Variants in FSTL4 observed in about 807,000 individuals in gnomAD.
The protein encoded by FSTL4 is follistatin like 4, also known as follistatin-related protein 4.
In FSTL4, 28 loss-of-function variants were observed where a neutral mutation model predicts 78.2. The observed-to-expected ratio is 0.36, with a 90% confidence interval of 0.27 to 0.49. The LOEUF is 0.49. Among genes scored for constraint, FSTL4 ranks in the 20% least tolerant of loss-of-function variants. The probability of loss-of-function intolerance (pLI) is 0.98; values close to 1 mark genes in which losing one functional copy is unlikely to be tolerated. For missense variants in FSTL4, 922 were observed against 1,084.9 expected, an observed-to-expected ratio of 0.85 and a Z score of 2.11; for synonymous variants, 422 against 440.5, an observed-to-expected ratio of 0.96 and a Z score of 0.53.
chr5:133,523,247 T>G (rs1759022049), intron 3 of FSTL4, among the ~76,000 whole-genome samples: 1 of 152,174 alleles, frequency 6.6e-6, no homozygotes, highest in Non-Finnish European at 1.5e-5. Flanking sequence ...ATCCTCCCAG[T>G]ACCTTGGCTC....
At chr5:133,382,116 C>A (rs559940524) in intron 4 of FSTL4, among the ~76,000 whole-genome samples, 1 of 152,226 alleles carries the variant, frequency 6.6e-6, no homozygotes, top group Non-Finnish European at 1.5e-5. Flanking sequence ...CCAGATACCC[C>A]CTGAAGAGGT....
At chr5:133,280,150 T>C (rs942289088) in intron 6 of FSTL4, among the ~76,000 whole-genome samples, 2 of 152,188 alleles carry the variant, frequency 1.3e-5, no homozygotes, top group Non-Finnish European at 2.9e-5. Flanking sequence ...AGGAAACCCA[T>C]GGAAGGTCCT....
intron 3 of FSTL4, among the ~76,000 whole-genome samples, chr5:133,491,897 CTTAAT>C (rs772042888): frequency 1.5e-4 from 23 of 152,214 alleles, no homozygotes; most frequent in East Asian, 3.9e-4. Flanking sequence ...TTTTTGCCAA[CTTAAT>C]TTGAGTATTT....
chr5:133,704,553 G>A, the FSTL4 span, among the ~76,000 whole-genome samples: 1 of 152,198 alleles, frequency 6.6e-6, no homozygotes, highest in East Asian at 1.9e-4. Flanking sequence ...AAGGCACCGG[G>A]TTGCCATTGT....
At chr5:133,753,142 G>A in the FSTL4 span, among the ~76,000 whole-genome samples, 6 of 152,180 alleles carry the variant, frequency 3.9e-5, no homozygotes, top group South Asian at 2.1e-4. Flanking sequence ...AAAGTTACCT[G>A]TATGCATTAT....
chr5:133,794,154 A>C, the FSTL4 span, among the ~76,000 whole-genome samples: 1 of 152,168 alleles, frequency 6.6e-6, no homozygotes, highest in Non-Finnish European at 1.5e-5. Flanking sequence ...CTGATCTCTG[A>C]CTTGGGCCAG....
In FSTL4 at chr5:133,512,972, C is replaced by A. The variant is rs187220184; in HGVS notation, c.160+54214G>T. Among the ~76,000 whole-genome samples, 385 of 152,250 alleles carry A rather than the reference C, an allele frequency of 2.5e-3. 3 individuals are homozygous for A. Among genetic ancestry groups the A allele is most frequent in the African/African-American group, 8.5e-3 (352 of 41,550 alleles). ...AGCTGGGACTACAGGCATGAGCTAC[C>A]ATGCCTGGCTAATTTTTATATTACT... On this transcript the variant is annotated intron_variant, in intron 3 of 15. Transcript: ENST00000265342.
intron 4 of FSTL4, among the ~76,000 whole-genome samples, chr5:133,366,318 C>T (rs946277187): frequency 1.3e-5 from 2 of 152,190 alleles, no homozygotes; most frequent in African/African-American, 4.8e-5. Flanking sequence ...CGCATTGAAA[C>T]ATCTCCCTCA....
At chr5:133,571,627 A>G (rs1343918161) in intron 2 of FSTL4, among the ~76,000 whole-genome samples, 2 of 152,214 alleles carry the variant, frequency 1.3e-5, no homozygotes, top group Non-Finnish European at 2.9e-5. Context: ...ATGCACCAAA[A>G]TCTCCGAAAT....
chr5:133,802,042 TA>T, the FSTL4 span, among the ~76,000 whole-genome samples: 150,791 of 152,366 alleles, frequency 0.99, 74,639 homozygotes, highest in Middle Eastern at 1. Context: ...AGTCCTGAGC[TA>T]ATCTGAACAC....
At chr5:133,213,085 C>A (rs1346952444) in intron 13 of FSTL4, among the ~76,000 whole-genome samples, 1 of 148,390 alleles carries the variant, frequency 6.7e-6, no homozygotes, top group East Asian at 2.0e-4. Context: ...TCACTGCAAT[C>A]TCTGCCTCCC....
chr5:133,521,948 T>C (rs1331050226), intron 3 of FSTL4, among the ~76,000 whole-genome samples: 1 of 152,108 alleles, frequency 6.6e-6, no homozygotes, highest in East Asian at 1.9e-4. Context: ...TGTGATGCAA[T>C]TGAGAAGAGA....
the FSTL4 span, among the ~76,000 whole-genome samples, chr5:133,686,589 A>C: frequency 6.6e-6 from 1 of 152,230 alleles, no homozygotes; most frequent in Non-Finnish European, 1.5e-5. Context: ...TCTGTGCAGA[A>C]GCTTCCCCTT....
At chr5:133,321,480 G>A (rs879925810) in intron 4 of FSTL4, among the ~76,000 whole-genome samples, 1 of 152,230 alleles carries the variant, frequency 6.6e-6, no homozygotes, top group African/African-American at 2.4e-5. Context: ...CCTGGGGTGT[G>A]TGGCAGAGGC....
chr5:133,581,222 G>A (rs934360818), intron 2 of FSTL4, among the ~76,000 whole-genome samples: 17 of 152,164 alleles, frequency 1.1e-4, no homozygotes, highest in African/African-American at 4.1e-4. Context: ...TTACAACAGA[G>A]TCAAAAGGAA....
At chr5:133,337,083 C>T (rs889183755) in intron 4 of FSTL4, among the ~76,000 whole-genome samples, 8 of 152,220 alleles carry the variant, frequency 5.3e-5, no homozygotes, top group African/African-American at 1.7e-4. Context: ...TCGGGGATGG[C>T]GGGCTGCAGG....
At chr5:133,358,582 G>A (rs1031085127) in intron 4 of FSTL4, among the ~76,000 whole-genome samples, 3 of 149,422 alleles carry the variant, frequency 2.0e-5, no homozygotes, top group African/African-American at 7.5e-5. Flanking sequence ...CCCAGCCAGG[G>A]TTCTATTTCT....
chr5:133,674,151 A>G, the FSTL4 span, among the ~76,000 whole-genome samples: 8 of 152,182 alleles, frequency 5.3e-5, no homozygotes, highest in Non-Finnish European at 8.8e-5. Context: ...TTCCTCCACC[A>G]GCGAAGGGCT....
intron 4 of FSTL4, among the ~76,000 whole-genome samples, chr5:133,333,131 C>A (rs1298141115): frequency 6.6e-6 from 1 of 152,184 alleles, no homozygotes; most frequent in African/African-American, 2.4e-5. Context: ...GGCAGCTCAG[C>A]CCCAGCCCCA....
Sources: allele counts gnomAD v4.1 joint callset (sites outside exome capture counted in the v4.1 genomes callset), GRCh38; gene constraint gnomAD v4.1.1; transcripts MANE v1.5; gene names NCBI Gene and HGNC (gene_info 2026-07-23, HGNC 2026-07-21).